GPR173: variants seen among roughly 807,000 people sequenced by gnomAD.
GPR173 encodes the protein probable G protein-coupled receptor 173.
Under a neutral mutation model 13.9 loss-of-function variants are expected in GPR173, and 2 were observed. That is an observed-to-expected ratio of 0.14 (90% CI 0.06 to 0.45). The LOEUF is 0.45. Among genes scored for constraint, GPR173 ranks in the 20% least tolerant of loss-of-function variants. The pLI is 0.98. For synonymous variants in GPR173, 131 were observed against 141.0 expected (o/e 0.93, Z 0.50); for missense variants, 202 against 340.5 (o/e 0.59, Z 3.20).
At chrX:53,074,235 AAT>A (rs1932359648) in intron 1 of GPR173, among the ~76,000 whole-genome samples, 1 of 97,487 alleles carries the variant, frequency 1.0e-5, no homozygotes, top group Non-Finnish European at 2.0e-5. Flanking sequence ...TTCATATAGA[AAT>A]ATATATAAAT....
chrX:53,076,328 C>A (rs1556805784), intron 1 of GPR173, among the ~76,000 whole-genome samples, 197 bp from the exon 2 acceptor site: 1 of 109,823 alleles, frequency 9.1e-6, no homozygotes, highest in Admixed American at 9.8e-5. Context: ...CTGTGTCAAT[C>A]TCAATCCATT....
chrX:53,064,121 T>C (rs1556804040), intron 1 of GPR173, among the ~76,000 whole-genome samples: 1 of 111,583 alleles, frequency 9.0e-6, no homozygotes, highest in East Asian at 2.8e-4. Flanking sequence ...TCTAGCCTGC[T>C]CCTCCATATT....
chrX:53,062,572 C>CT (rs1165015535), intron 1 of GPR173, among the ~76,000 whole-genome samples: 505 of 41,001 alleles, frequency 0.012, 11 homozygotes, highest in Non-Finnish European at 0.016. Flanking sequence ...TTGTCTTCTT[C>CT]TTTTTTTTTT....
chrX:53,072,416 C>G (rs887008517), intron 1 of GPR173, among the ~76,000 whole-genome samples: 1 of 106,102 alleles, frequency 9.4e-6, no homozygotes, highest in Admixed American at 1.0e-4. Flanking sequence ...CTCTCTCTCT[C>G]TATTTCTCTC....
chrX:53,061,128 C>T (rs1556803755), intron 1 of GPR173, among the ~76,000 whole-genome samples: 1 of 107,880 alleles, frequency 9.3e-6, no homozygotes, highest in Non-Finnish European at 1.9e-5. Context: ...GAGGCTGAGG[C>T]AGGAGAATGG....
At chrX:53,059,843 G>T (rs1362368294) in intron 1 of GPR173, among the ~76,000 whole-genome samples, 1 of 102,127 alleles carries the variant, frequency 9.8e-6, no homozygotes, top group East Asian at 3.0e-4. Flanking sequence ...AGAAAAATTA[G>T]CCGGGCATGG....
intron 1 of GPR173, among the ~76,000 whole-genome samples, chrX:53,052,123 G>A (rs782588078): frequency 1.1e-4 from 12 of 111,509 alleles, no homozygotes; most frequent in Middle Eastern, 4.6e-3. Flanking sequence ...ATATAGGTGG[G>A]CACACTAATA....
chrX:53,062,476 T>C (rs1363731689), intron 1 of GPR173, among the ~76,000 whole-genome samples: 1 of 105,200 alleles, frequency 9.5e-6, no homozygotes, highest in Non-Finnish European at 1.9e-5. Flanking sequence ...GGATAGACAT[T>C]CCCATTCCAA....
chrX:53,054,695 GGT>G (rs1569220640), intron 1 of GPR173, among the ~76,000 whole-genome samples: 1 of 108,650 alleles, frequency 9.2e-6, no homozygotes, highest in Non-Finnish European at 1.9e-5. Flanking sequence ...GTATTTGAGG[GGT>G]GTGTGAGTAT....
chrX:53,055,575 A>G (rs782074738), intron 1 of GPR173, among the ~76,000 whole-genome samples: 3 of 109,524 alleles, frequency 2.7e-5, no homozygotes, highest in African/African-American at 1.0e-4. Flanking sequence ...GGCACAGCTG[A>G]GTGGGAAGTG....
Position 53,076,974 on chromosome X carries a change from G to T in GPR173, c.353G>T (p.Ser118Ile). Reference protein sequence around the residue: ...FHAAFMLFCISVTRYMAIAHH... With the variant: ...FHAAFMLFCIIVTRYMAIAHH... ...GCGGCCTTCATGCTGTTCTGCATCA[G>T]CGTCACCCGCTACATGGCCATCGCC... Residue 118 changes from serine (S) to isoleucine (I), a missense_variant, in exon 2 of 2, where the codon AGC (serine) becomes ATC (isoleucine). Ser to Ile is a moderately radical substitution (Grantham distance 142). Coordinates refer to ENST00000332582, the MANE Select transcript of GPR173 (RefSeq NM_018969.6). 1 of 1,209,999 alleles carries T rather than the reference G, an allele frequency of 8.3e-7. No individual in the cohort carries two copies.
chrX:53,060,371 G>A (rs1404869467), intron 1 of GPR173, among the ~76,000 whole-genome samples: 1 of 110,190 alleles, frequency 9.1e-6, no homozygotes, highest in African/African-American at 3.3e-5. Flanking sequence ...CCTGAGGCCA[G>A]GAGTTCGAGA....
At chrX:53,057,527 C>T (rs1556803322) in intron 1 of GPR173, among the ~76,000 whole-genome samples, 2 of 107,299 alleles carry the variant, frequency 1.9e-5, no homozygotes, top group Non-Finnish European at 3.8e-5. Context: ...CACCTGAGTT[C>T]GGGAGTTCGA....
At chrX:53,075,962 A>T in intron 1 of GPR173, among the ~76,000 whole-genome samples, 1 of 111,361 alleles carries the variant, frequency 9.0e-6, no homozygotes, top group East Asian at 2.8e-4. Flanking sequence ...GTATTTTTTT[A>T]CTGTGGGTGG....
At chrX:53,054,137 A>AGTGTGT (rs1271390743) in intron 1 of GPR173, among the ~76,000 whole-genome samples, 15 of 89,099 alleles carry the variant, frequency 1.7e-4, no homozygotes, top group African/African-American at 4.5e-4. Context: ...ATCTTAATAG[A>AGTGTGT]GTGTGTGTGT....
At chrX:53,070,165 G>A (rs782504288) in intron 1 of GPR173, among the ~76,000 whole-genome samples, 1 of 111,824 alleles carries the variant, frequency 8.9e-6, no homozygotes, top group African/African-American at 3.2e-5. Flanking sequence ...GTCTGAATAT[G>A]TGGGAGGATT....
chrX:53,068,834 T>A (rs1932220833), intron 1 of GPR173, among the ~76,000 whole-genome samples: 1 of 105,694 alleles, frequency 9.5e-6, no homozygotes, highest in Admixed American at 1.0e-4. Flanking sequence ...AGGCTTGTAA[T>A]CCCAGCATCT....
At chrX:53,071,333 G>A (rs1242944033) in intron 1 of GPR173, among the ~76,000 whole-genome samples, 2 of 112,020 alleles carry the variant, frequency 1.8e-5, no homozygotes, top group Non-Finnish European at 3.8e-5. Flanking sequence ...TCAGAGGCAG[G>A]ACGTGCAGGA....
intron 1 of GPR173, among the ~76,000 whole-genome samples, chrX:53,064,496 C>T (rs1446477503): frequency 3.6e-5 from 4 of 109,980 alleles, no homozygotes; most frequent in Non-Finnish European, 5.7e-5. Context: ...CACTTGAAAC[C>T]GGGAGGCAGA....
Sources: gnomAD v4.1 joint callset for allele counts (sites outside exome capture counted in the v4.1 genomes callset) on GRCh38, gnomAD v4.1.1 for gene constraint, MANE v1.5 for transcripts, NCBI Gene and HGNC (gene_info 2026-07-23, HGNC 2026-07-21) for gene names.